Variants in CCDC85A observed in about 807,000 individuals in gnomAD.
CCDC85A encodes the protein coiled-coil domain-containing protein 85A.
In CCDC85A, 38 loss-of-function variants were observed where a neutral mutation model predicts 50.2. That is an observed-to-expected ratio of 0.76 (90% CI 0.58 to 0.99). The LOEUF (loss-of-function observed/expected upper bound fraction) is 0.99. Among genes scored for constraint, CCDC85A ranks in the 50% least tolerant of loss-of-function variants. The probability of loss-of-function intolerance (pLI) is 0.00; values close to 1 mark genes in which losing one functional copy is unlikely to be tolerated. For synonymous variants in CCDC85A, 366 were observed against 301.4 expected (o/e 1.21, Z -2.22); for missense variants, 820 against 742.0 (o/e 1.11, Z -1.22).
In CCDC85A at chr2:56,298,392, T is replaced by TC. The variant is rs1303325015; in HGVS notation, c.1241-44487_1241-44486insC. Among the ~76,000 whole-genome samples, 2 of 152,156 alleles carry TC rather than the reference T, an allele frequency of 1.3e-5. 1 individual carries two copies. Among genetic ancestry groups the TC allele is most frequent in the African/African-American group, 4.8e-5 (2 of 41,440 alleles). ...AATTTAAATGAAGGAGAGCCCTCATTTCAATCAAATTATAGGCTGCGTTTG... is the reference window on the plus strand; with the variant it reads ...AATTTAAATGAAGGAGAGCCCTCATTCTCAATCAAATTATAGGCTGCGTTTG... On this transcript the variant is annotated intron_variant, in intron 2 of 5. Coordinates refer to ENST00000407595, the MANE Select transcript of CCDC85A (RefSeq NM_001080433.2).
At chr2:56,318,067 A>G (rs1673001020) in intron 2 of CCDC85A, among the ~76,000 whole-genome samples, 1 of 152,264 alleles carries the variant, frequency 6.6e-6, no homozygotes, top group South Asian at 2.1e-4. Flanking sequence ...ATCTGTGCCT[A>G]TCAATACATC....
In CCDC85A at chr2:56,192,397, G is replaced by T; in HGVS notation, c.277-80G>T. On this transcript the variant is annotated intron_variant, in intron 1 of 5. Transcript: ENST00000407595. This position sits in a 1 kb window ranked among gnomAD's most constrained non-coding sequence, Gnocchi z 4.7. ...CTCACAGGTAATTCACCAGTTACAG[G>T]CTCTCCCTTTCCAGGAAGTCTGAGC... 1 of 1,523,984 alleles carries T rather than the reference G, an allele frequency of 6.6e-7. No individual in the cohort carries two copies. The highest frequency in any genetic ancestry group is 8.8e-7 in the Non-Finnish European group (1 of 1,136,936). The allele number at this position is 1,523,984 out of a possible 1,614,324, so 94.4% of individuals were successfully genotyped here.
chr2:56,264,468 C>T (rs1045133688), intron 2 of CCDC85A, among the ~76,000 whole-genome samples: 3 of 152,120 alleles, frequency 2.0e-5, no homozygotes, highest in African/African-American at 4.8e-5. Flanking sequence ...CCCAAACCAC[C>T]TGCAAATCCT....
At chr2:56,297,666 G>A (rs970768439) in intron 2 of CCDC85A, among the ~76,000 whole-genome samples, 4 of 152,148 alleles carry the variant, frequency 2.6e-5, no homozygotes, top group African/African-American at 9.7e-5. Context: ...CCTCAGTAAG[G>A]TCAGTAAAGT....
At chr2:56,348,665 T>C (rs932004895) in intron 3 of CCDC85A, among the ~76,000 whole-genome samples, 2 of 152,050 alleles carry the variant, frequency 1.3e-5, no homozygotes, top group Admixed American at 1.3e-4. Context: ...GAAATCAAGC[T>C]CTCACTTCCA....
At chr2:56,256,465 C>T (rs996066683) in intron 2 of CCDC85A, among the ~76,000 whole-genome samples, 16 of 152,152 alleles carry the variant, frequency 1.1e-4, no homozygotes, top group African/African-American at 3.9e-4. Context: ...ACCTGTCAGT[C>T]TAGCTGTGAA....
rs1301433083 is a variant in CCDC85A at position 56,184,877 on chromosome 2, C to G, written c.253C>G (p.Leu85Val). 1 of 1,527,152 alleles carries G rather than the reference C, an allele frequency of 6.5e-7. No individual in the cohort carries two copies. 94.6% of individuals were successfully genotyped at this position (1,527,152 alleles called of 1,614,324 possible). A position where few individuals can be genotyped will look rare whatever the true frequency, so the allele number is the denominator to read the frequency against. ...REVNRRLQLH[L>V]GEIRGLKDIN... ...GGTGAACCGCCGCCTGCAGCTGCAC[C>G]TCGGCGAGATCCGCGGCCTCAAGGT... Residue 85 changes from leucine (L) to valine (V), a missense_variant, in exon 1 of 6, where the codon CTC (leucine) becomes GTC (valine). Leu to Val is a conservative substitution (Grantham distance 32, BLOSUM62 1). Coordinates refer to ENST00000407595, the MANE Select transcript of CCDC85A (RefSeq NM_001080433.2).
intron 2 of CCDC85A, among the ~76,000 whole-genome samples, chr2:56,241,291 A>G (rs938957038): frequency 3.3e-5 from 5 of 152,174 alleles, no homozygotes; most frequent in African/African-American, 1.2e-4. Context: ...TGGAGTACCC[A>G]TCACTTCAAG....
At chr2:56,372,264 C>T (rs1676110958) in intron 3 of CCDC85A, 80 bp from the exon 4 acceptor site, 1 of 1,381,724 alleles carries the variant, frequency 7.2e-7, no homozygotes, top group Non-Finnish European at 9.6e-7. Context: ...TCTCATTAAG[C>T]TTCATGTTCT....
chr2:56,353,086 C>T (rs1675038395), intron 3 of CCDC85A, among the ~76,000 whole-genome samples: 1 of 152,132 alleles, frequency 6.6e-6, no homozygotes, highest in Admixed American at 6.5e-5. Context: ...TTACAAATGC[C>T]TACTTACATC....
At chr2:56,304,931 C>CAAAA (rs1217284578) in intron 2 of CCDC85A, among the ~76,000 whole-genome samples, 3 of 144,228 alleles carry the variant, frequency 2.1e-5, no homozygotes, top group Non-Finnish European at 4.5e-5. Context: ...AACAAACAAA[C>CAAAA]AAACAAAAAA....
chr2:56,346,443 A>G (rs1674635487), intron 3 of CCDC85A, among the ~76,000 whole-genome samples: 1 of 152,196 alleles, frequency 6.6e-6, no homozygotes, highest in Non-Finnish European at 1.5e-5. Context: ...AGATTAAGTT[A>G]GTTTTATCCA....
chr2:56,336,721 AT>A (rs1297474186), intron 2 of CCDC85A, among the ~76,000 whole-genome samples: 1 of 152,188 alleles, frequency 6.6e-6, no homozygotes, highest in Non-Finnish European at 1.5e-5. Context: ...AGGGTTTCAT[AT>A]TTTTATCAGA....
At chr2:56,380,709 A>G (rs991678388) in intron 5 of CCDC85A, among the ~76,000 whole-genome samples, 1 of 152,140 alleles carries the variant, frequency 6.6e-6, no homozygotes, top group African/African-American at 2.4e-5. Context: ...TTGGATTTTT[A>G]CTATTAATCC....
intron 5 of CCDC85A, among the ~76,000 whole-genome samples, chr2:56,377,653 C>T (rs1676397708): frequency 1.3e-5 from 2 of 151,980 alleles, no homozygotes; most frequent in Admixed American, 1.3e-4. Flanking sequence ...CTCTGGGAGG[C>T]CAAGGTAGGC....
At chr2:56,261,831 C>G (rs1455893044) in intron 2 of CCDC85A, among the ~76,000 whole-genome samples, 1 of 152,100 alleles carries the variant, frequency 6.6e-6, no homozygotes. Context: ...TGTTGGAGCA[C>G]TCTTCACACA....
intron 5 of CCDC85A, among the ~76,000 whole-genome samples, chr2:56,380,636 AT>A (rs1450930157): frequency 6.6e-6 from 1 of 151,964 alleles, no homozygotes. Flanking sequence ...AAAAAAATAA[AT>A]AAATAAATAA....
intron 2 of CCDC85A, among the ~76,000 whole-genome samples, chr2:56,233,071 C>T (rs1668843421): frequency 6.6e-6 from 1 of 152,292 alleles, no homozygotes; most frequent in South Asian, 2.1e-4. Flanking sequence ...AGTGCCTCTG[C>T]CTGGGAACCT....
chr2:56,382,236 G>A (rs17047868), intron 5 of CCDC85A, among the ~76,000 whole-genome samples: 5,552 of 152,062 alleles, frequency 0.037, 317 homozygotes, highest in African/African-American at 0.12. Context: ...TTGGCTTCTA[G>A]TAGAGAAATT....
Sources: gnomAD v4.1 joint callset for allele counts (sites outside exome capture counted in the v4.1 genomes callset) on GRCh38, gnomAD v4.1.1 for gene constraint, Gnocchi (gnomAD v3.1) non-coding constraint, MANE v1.5 for transcripts, NCBI Gene and HGNC (gene_info 2026-07-23, HGNC 2026-07-21) for gene names.